The following DLGAP1 variants were observed in gnomAD, a reference collection of about 807,000 sequenced individuals.
DLGAP1 encodes the protein disks large-associated protein 1.
A neutral mutation model predicts 90.8 loss-of-function variants in DLGAP1; 11 were observed. That is an observed-to-expected ratio of 0.12 (90% CI 0.08 to 0.20). The LOEUF is 0.20. DLGAP1 is among the 10% of genes least tolerant of loss of function. DLGAP1 has a pLI of 1.00. For missense variants in DLGAP1, 1,050 were observed against 1,333.8 expected, an observed-to-expected ratio of 0.79 and a Z score of 3.31; for synonymous variants, 558 against 540.7, an observed-to-expected ratio of 1.03 and a Z score of -0.44.
chr18:3,589,736 G>T (rs1188432694), intron 7 of DLGAP1, among the ~76,000 whole-genome samples: 5 of 152,132 alleles, frequency 3.3e-5, no homozygotes, highest in African/African-American at 1.2e-4. Flanking sequence ...AGAGCTCATG[G>T]GGAAAGCAAC....
At chr18:4,380,400 C>T (rs2082090870) in intron 1 of DLGAP1, among the ~76,000 whole-genome samples, 1 of 152,120 alleles carries the variant, frequency 6.6e-6, no homozygotes. Flanking sequence ...GAATGTAAGT[C>T]TACCAATAAA....
At chr18:3,518,846 G>T (rs1299569121) in intron 10 of DLGAP1, among the ~76,000 whole-genome samples, 3 of 152,138 alleles carry the variant, frequency 2.0e-5, no homozygotes, top group African/African-American at 7.2e-5. Flanking sequence ...ATCCAAAAAA[G>T]GACATGATTT....
rs566438673 is a variant in DLGAP1, at chr18:3,569,754, CT to C, written c.1966-2174del. On this transcript the variant is annotated intron_variant, in intron 8 of 12. Transcript: ENST00000315677. The stretch of plus-strand genomic sequence containing the variant: ...TGGCTCCGTTTATTAACTAATTCGC[CT>C]TTTTTATTTGAGATGCCAGCTTTAT... Among the ~76,000 whole-genome samples the C allele has an allele frequency of 5.3e-5, 8 of 152,056 alleles. No individual in the cohort carries two copies. In the South Asian group the frequency reaches 1.7e-3, roughly 32 times the overall value.
rs564643912 is a variant in DLGAP1, at chr18:4,370,955, T to G, written c.-267+84051A>C. Among the ~76,000 whole-genome samples the G allele has an allele frequency of 9.7e-5, 13 of 133,420 alleles. No homozygotes were observed. In the East Asian group the frequency reaches 3.0e-3, roughly 30 times the overall value. 87.5% of individuals were successfully genotyped at this position (133,420 alleles called of 152,430 possible). A position where few individuals can be genotyped will look rare whatever the true frequency, so the allele number is the denominator to read the frequency against. The stretch of plus-strand genomic sequence containing the variant: ...TGGGAAGTACATACCTCTCCTATCC[T>G]TTGGTCAAAATTAACAACATAACAA... On this transcript the variant is annotated intron_variant, in intron 1 of 12. Transcript: ENST00000315677.
intron 8 of DLGAP1, among the ~76,000 whole-genome samples, chr18:3,579,196 G>A (rs1005702459): frequency 6.6e-6 from 1 of 152,144 alleles, no homozygotes; most frequent in African/African-American, 2.4e-5. Context: ...TGAACTGTAG[G>A]TGTAAAAATA....
At chr18:4,332,236 G>T (rs990923544) in intron 1 of DLGAP1, among the ~76,000 whole-genome samples, 1 of 151,790 alleles carries the variant, frequency 6.6e-6, no homozygotes, top group African/African-American at 2.4e-5. Flanking sequence ...ATACATGTAC[G>T]GTTAACAAGA....
At chr18:3,799,591 G>A (rs2066189442) in intron 5 of DLGAP1, among the ~76,000 whole-genome samples, 1 of 151,604 alleles carries the variant, frequency 6.6e-6, no homozygotes, top group African/African-American at 2.4e-5. Context: ...CCGGGGCACA[G>A]TGAATGATCA....
intron 1 of DLGAP1, among the ~76,000 whole-genome samples, chr18:4,271,635 G>T (rs909148120): frequency 3.3e-5 from 5 of 152,068 alleles, no homozygotes; most frequent in African/African-American, 1.2e-4. Context: ...ACCTGTAGTT[G>T]TATTAGCTTG....
At chr18:3,613,081 A>C (rs1269304081) in intron 7 of DLGAP1, among the ~76,000 whole-genome samples, 1 of 152,074 alleles carries the variant, frequency 6.6e-6, no homozygotes, top group African/African-American at 2.4e-5. Flanking sequence ...CAGGTGGTCC[A>C]CCTGCCTCGG....
At chr18:3,558,253 T>C (rs1412808988) in intron 9 of DLGAP1, among the ~76,000 whole-genome samples, 1 of 152,176 alleles carries the variant, frequency 6.6e-6, no homozygotes, top group Admixed American at 6.6e-5. Flanking sequence ...TGTTTGTTTG[T>C]TTGTTTTGAG....
intron 7 of DLGAP1, among the ~76,000 whole-genome samples, chr18:3,647,915 T>C (rs2059177313): frequency 6.6e-6 from 1 of 152,222 alleles, no homozygotes; most frequent in Non-Finnish European, 1.5e-5. Context: ...CTGTCCTATA[T>C]ACTGTTCTAT....
At chr18:4,006,671 GGTATT>G in intron 2 of DLGAP1, among the ~76,000 whole-genome samples, 1 of 150,518 alleles carries the variant, frequency 6.6e-6, no homozygotes. Flanking sequence ...TTTGAGACAG[GGTATT>G]GCTCTGTCGC....
chr18:4,144,267 C>T (rs886745532), intron 2 of DLGAP1, among the ~76,000 whole-genome samples: 1 of 152,136 alleles, frequency 6.6e-6, no homozygotes, highest in African/African-American at 2.4e-5. Context: ...GTGAGGCTTG[C>T]CAGAATTAGA....
chr18:3,759,098 T>G (rs2063841146), intron 5 of DLGAP1, among the ~76,000 whole-genome samples: 1 of 95,510 alleles, frequency 1.0e-5, no homozygotes, highest in South Asian at 4.0e-4. Flanking sequence ...ATAAATGTCA[T>G]CATTATTTCT....
At chr18:4,131,182 G>A (rs1033752741) in intron 2 of DLGAP1, among the ~76,000 whole-genome samples, 2 of 151,634 alleles carry the variant, frequency 1.3e-5, no homozygotes. Flanking sequence ...ATGAGCTTCA[G>A]GAAAAAAACG....
intron 2 of DLGAP1, among the ~76,000 whole-genome samples, chr18:4,022,101 T>A (rs984450032): frequency 6.6e-6 from 1 of 152,212 alleles, no homozygotes; most frequent in African/African-American, 2.4e-5. Context: ...TCAAACAGAG[T>A]TGGTGTTTTT....
chr18:4,323,278 G>T (rs2080740588), intron 1 of DLGAP1, among the ~76,000 whole-genome samples: 1 of 152,084 alleles, frequency 6.6e-6, no homozygotes, highest in South Asian at 2.1e-4. Flanking sequence ...TTATCTAAAA[G>T]ACAAAAGATA....
chr18:4,241,041 A>T (rs1235524334), intron 1 of DLGAP1, among the ~76,000 whole-genome samples: 1 of 152,188 alleles, frequency 6.6e-6, no homozygotes, highest in Non-Finnish European at 1.5e-5. Flanking sequence ...TATCTTTTTC[A>T]TTTCTTTTTT....
At chr18:4,080,234 T>C (rs542740796) in intron 2 of DLGAP1, among the ~76,000 whole-genome samples, 1 of 152,360 alleles carries the variant, frequency 6.6e-6, no homozygotes, top group South Asian at 2.1e-4. Flanking sequence ...TGTTAAATTT[T>C]ATTTCACTGT....
Sources: gnomAD v4.1 joint callset for allele counts (sites outside exome capture counted in the v4.1 genomes callset) on GRCh38, gnomAD v4.1.1 for gene constraint, MANE v1.5 for transcripts, NCBI Gene and HGNC (gene_info 2026-07-23, HGNC 2026-07-21) for gene names.